Variants in NRG3 observed in about 807,000 individuals in gnomAD.
NRG3 encodes the protein pro-neuregulin-3, membrane-bound isoform.
In NRG3, 31 loss-of-function variants were observed where a neutral mutation model predicts 66.9. That is an observed-to-expected ratio of 0.46 (90% CI 0.35 to 0.63). The LOEUF is 0.63. NRG3 is among the 20% of genes least tolerant of loss of function. NRG3 has a pLI of 0.00. For synonymous variants in NRG3, 393 were observed against 359.4 expected, an observed-to-expected ratio of 1.09 and a Z score of -1.06; for missense variants, 910 against 878.9, an observed-to-expected ratio of 1.04 and a Z score of -0.45.
chr10:81,930,273 G>A (rs924560328), intron 1 of NRG3, among the ~76,000 whole-genome samples: 33 of 152,262 alleles, frequency 2.2e-4, no homozygotes, highest in African/African-American at 7.9e-4. Context: ...CAGCAAGATG[G>A]TCCTCGCTTC....
chr10:82,323,945 A>G (rs1200138571), intron 1 of NRG3, among the ~76,000 whole-genome samples: 13 of 151,860 alleles, frequency 8.6e-5, no homozygotes, highest in Non-Finnish European at 8.8e-5. Context: ...GCTCACTGCA[A>G]CCTCCACCTC....
At chr10:82,931,144 C>G (rs1270156530) in intron 4 of NRG3, among the ~76,000 whole-genome samples, 2 of 152,202 alleles carry the variant, frequency 1.3e-5, no homozygotes, top group Non-Finnish European at 2.9e-5. Context: ...AGTACCAATA[C>G]TATCCAATTT....
chr10:82,403,710 C>A (rs1056868940), intron 2 of NRG3, among the ~76,000 whole-genome samples: 4 of 152,110 alleles, frequency 2.6e-5, no homozygotes, highest in Admixed American at 1.3e-4. Flanking sequence ...GTGCAGAATT[C>A]TTTGTCGAGT....
At chr10:82,867,605 T>C (rs1165058779) in intron 4 of NRG3, among the ~76,000 whole-genome samples, 2 of 152,146 alleles carry the variant, frequency 1.3e-5, no homozygotes, top group Non-Finnish European at 2.9e-5. Context: ...AAAACAGCTC[T>C]TGAGACAGGT....
chr10:82,739,406 T>C (rs2058310638), intron 3 of NRG3, among the ~76,000 whole-genome samples: 1 of 152,220 alleles, frequency 6.6e-6, no homozygotes, highest in Non-Finnish European at 1.5e-5. Context: ...CGATTTAGTT[T>C]AGTGAGGATA....
intron 3 of NRG3, among the ~76,000 whole-genome samples, chr10:82,755,271 A>G (rs187279727): frequency 1.2e-4 from 18 of 152,200 alleles, no homozygotes; most frequent in Non-Finnish European, 1.3e-4. Flanking sequence ...AAATTTTACT[A>G]TACTGCCTTT....
In NRG3 at chr10:82,869,445, A is replaced by G. The variant is rs539780416; in HGVS notation, c.1054+4008A>G. Among the ~76,000 whole-genome samples, 4 of 152,294 alleles carry G rather than the reference A, an allele frequency of 2.6e-5. No homozygotes were observed. The South Asian group carries it at 8.3e-4, about 32-fold the overall frequency. ...TTGATGCTATACTTTCTATAGATTCAGACAAACATATTATGATATGTATCC... is the reference window on the plus strand; with the variant it reads ...TTGATGCTATACTTTCTATAGATTCGGACAAACATATTATGATATGTATCC... On this transcript the variant is annotated intron_variant, in intron 4 of 8. Coordinates refer to ENST00000372141, the MANE Select transcript of NRG3 (RefSeq NM_001010848.4).
chr10:82,709,535 C>G (rs1591264487), intron 2 of NRG3, among the ~76,000 whole-genome samples: 1 of 152,204 alleles, frequency 6.6e-6, no homozygotes, highest in East Asian at 1.9e-4. Context: ...GTGTGCGCCA[C>G]CATCCCCAGC....
At chr10:82,543,930 G>A (rs2132789450) in intron 2 of NRG3, among the ~76,000 whole-genome samples, 1 of 152,258 alleles carries the variant, frequency 6.6e-6, no homozygotes, top group Middle Eastern at 3.4e-3. Flanking sequence ...TGACAACTAA[G>A]CAAAGACTTC....
intron 1 of NRG3, among the ~76,000 whole-genome samples, chr10:82,101,495 T>G (rs1419948064): frequency 6.6e-6 from 1 of 151,880 alleles, no homozygotes; most frequent in Non-Finnish European, 1.5e-5. Flanking sequence ...CTGCAAATAT[T>G]AATTTAGCTG....
At chr10:82,234,179 T>C (rs1052833606) in intron 1 of NRG3, among the ~76,000 whole-genome samples, 3 of 152,192 alleles carry the variant, frequency 2.0e-5, no homozygotes, top group Non-Finnish European at 4.4e-5. Flanking sequence ...CTCTGGTTTT[T>C]CCAACATAAT....
At chr10:81,931,178 G>T (rs925963548) in intron 1 of NRG3, among the ~76,000 whole-genome samples, 2 of 152,120 alleles carry the variant, frequency 1.3e-5, no homozygotes, top group Admixed American at 1.3e-4. Context: ...TTTTCTGGAG[G>T]TCAGGCTGGT....
chr10:82,900,442 A>T (rs1052154690), intron 4 of NRG3, among the ~76,000 whole-genome samples: 4 of 152,210 alleles, frequency 2.6e-5, no homozygotes, highest in Non-Finnish European at 5.9e-5. Context: ...AAATTATTAT[A>T]AATGTCTTAA....
At chr10:82,220,391 G>GAT (rs772947624) in intron 1 of NRG3, among the ~76,000 whole-genome samples, 24 of 152,118 alleles carry the variant, frequency 1.6e-4, no homozygotes, top group Non-Finnish European at 3.4e-4. Flanking sequence ...GAAAGGAGTG[G>GAT]ATTTCTTGTG....
chr10:82,863,740 C>T (rs1230206237), intron 3 of NRG3, among the ~76,000 whole-genome samples: 2 of 152,086 alleles, frequency 1.3e-5, no homozygotes, highest in Admixed American at 1.3e-4. Context: ...CATTCTCTCC[C>T]TCCTAGGAGC....
intron 4 of NRG3, among the ~76,000 whole-genome samples, chr10:82,876,481 T>C (rs1228428903): frequency 1.3e-5 from 2 of 152,192 alleles, no homozygotes; most frequent in African/African-American, 4.8e-5. Context: ...TTTACCAAAT[T>C]ATTGAACTTT....
In NRG3 at chr10:82,498,363, G is replaced by A. The variant is rs552588048; in HGVS notation, c.953+139495G>A. 2.0e-5 allele frequency among the ~76,000 whole-genome samples: 3 copies of A among 152,192 alleles called. No individual in the cohort carries two copies. In the South Asian group the frequency reaches 6.2e-4, roughly 32 times the overall value. ...AAGATGGAAGAAAGCCACTTCCACA[G>A]CACGTTTTATATGAACTCGCAGGAA... On this transcript the variant is annotated intron_variant, in intron 2 of 8. Coordinates refer to ENST00000372141, the MANE Select transcript of NRG3 (RefSeq NM_001010848.4).
chr10:82,329,909 A>G (rs2082059278), intron 1 of NRG3, among the ~76,000 whole-genome samples: 1 of 152,178 alleles, frequency 6.6e-6, no homozygotes, highest in Non-Finnish European at 1.5e-5. Context: ...TGCTATAGCT[A>G]TGGACCATGG....
intron 2 of NRG3, among the ~76,000 whole-genome samples, chr10:82,542,174 T>G (rs374670379): frequency 1.3e-5 from 2 of 152,304 alleles, no homozygotes; most frequent in African/African-American, 4.8e-5. Flanking sequence ...ACATGTGGTG[T>G]TTGGTGTTCT....
Sources: gnomAD v4.1 joint callset for allele counts (sites outside exome capture counted in the v4.1 genomes callset) on GRCh38, gnomAD v4.1.1 for gene constraint, MANE v1.5 for transcripts, NCBI Gene and HGNC (gene_info 2026-07-23, HGNC 2026-07-21) for gene names.